The following MEMO1 variants were observed in gnomAD, a reference collection of about 807,000 sequenced individuals.
The protein encoded by MEMO1 is protein MEMO1.
A neutral mutation model predicts 45.2 loss-of-function variants in MEMO1; 6 were observed. The observed-to-expected ratio is 0.13, with a 90% CI of 0.07 to 0.26. The LOEUF is 0.26. Among genes scored for constraint, MEMO1 ranks in the 10% least tolerant of loss-of-function variants. The pLI is 1.00. For missense variants in MEMO1, 184 were observed against 370.5 expected (o/e 0.50, Z 4.13); for synonymous variants, 78 against 124.3 (o/e 0.63, Z 2.48).
chr2:31,953,443 A>G (rs1183548558), intron 2 of MEMO1, among the ~76,000 whole-genome samples: 1 of 147,116 alleles, frequency 6.8e-6, no homozygotes, highest in Non-Finnish European at 1.5e-5. Context: ...ATCAGTACGA[A>G]CTTTCATAAG....
chr2:31,870,045 C>T (rs1405516607), intron 8 of MEMO1, 93 bp from the exon 9 acceptor site: 1 of 969,164 alleles, frequency 1.0e-6, no homozygotes, highest in African/African-American at 1.7e-5. Flanking sequence ...GTTACTTAAA[C>T]ATAATTCTTC....
At chr2:31,985,755 A>G (rs1671183377) in intron 2 of MEMO1, among the ~76,000 whole-genome samples, 1 of 152,254 alleles carries the variant, frequency 6.6e-6, no homozygotes. Flanking sequence ...ATACACCAGA[A>G]GTCCTCATAT....
At chr2:31,873,922 A>T (rs944313230) in intron 8 of MEMO1, among the ~76,000 whole-genome samples, 6 of 152,272 alleles carry the variant, frequency 3.9e-5, no homozygotes, top group African/African-American at 1.4e-4. Context: ...TGGCTATCTT[A>T]TAAGTGATGT....
At chr2:31,914,901 G>C (rs1259155458) in intron 6 of MEMO1, among the ~76,000 whole-genome samples, 1 of 149,680 alleles carries the variant, frequency 6.7e-6, no homozygotes, top group Non-Finnish European at 1.5e-5. Flanking sequence ...AGGCTACAGT[G>C]AGTTATAATT....
chr2:31,896,553 T>C (rs1677845641), intron 6 of MEMO1, among the ~76,000 whole-genome samples: 1 of 152,212 alleles, frequency 6.6e-6, no homozygotes, highest in Non-Finnish European at 1.5e-5. Flanking sequence ...AGGCTAAAAT[T>C]TGCTGACTCT....
At chr2:31,943,427 A>G in intron 2 of MEMO1, 44 bp from the exon 3 acceptor site, 1 of 1,386,402 alleles carries the variant, frequency 7.2e-7, no homozygotes, top group Non-Finnish European at 1.0e-6. Flanking sequence ...AAAGCAATGT[A>G]CTACAGATAA....
At chr2:31,870,414 A>T (rs1673529334) in intron 8 of MEMO1, among the ~76,000 whole-genome samples, 1 of 152,218 alleles carries the variant, frequency 6.6e-6, no homozygotes, top group Non-Finnish European at 1.5e-5. Flanking sequence ...GATAATTTTA[A>T]TTGAACTATT....
rs537580519 is a variant in MEMO1, at chr2:31,981,041, C to T, written c.61+29146G>A. ...CACAGTTTAAATAGTCAATCGTACA[C>T]CAATTCAGAAGAAACTGACCTTGAA... On this transcript the variant is annotated intron_variant, in intron 2 of 9. Transcript: ENST00000404530. Among the ~76,000 whole-genome samples, 16 of 152,300 alleles carry T rather than the reference C, an allele frequency of 1.1e-4. 1 individual carries two copies. In the South Asian group the frequency reaches 2.3e-3, roughly 22 times the overall value.
At chr2:31,971,963 C>T (rs1219783483) in intron 2 of MEMO1, among the ~76,000 whole-genome samples, 1 of 151,840 alleles carries the variant, frequency 6.6e-6, no homozygotes, top group Non-Finnish European at 1.5e-5. Flanking sequence ...GAGCGAGACT[C>T]TGTCTCAAAA....
At chr2:31,898,178 A>G (rs1394916447) in intron 6 of MEMO1, among the ~76,000 whole-genome samples, 1 of 150,790 alleles carries the variant, frequency 6.6e-6, no homozygotes, top group Non-Finnish European at 1.5e-5. Flanking sequence ...CCTGGATTCA[A>G]TGATTTTTTT....
chr2:31,953,774 T>C (rs1387288858), intron 2 of MEMO1, among the ~76,000 whole-genome samples: 1 of 152,116 alleles, frequency 6.6e-6, no homozygotes, highest in African/African-American at 2.4e-5. Context: ...AAGATTTTGA[T>C]ACATATATTC....
intron 2 of MEMO1, among the ~76,000 whole-genome samples, chr2:31,993,949 CTTTTTTTTTTTTTTTTTTT>C (rs397800267): frequency 1.4e-5 from 1 of 73,556 alleles, no homozygotes; most frequent in Non-Finnish European, 2.7e-5. Context: ...TCAATACTTT[CTTTTTTTTTTTTTTTTTTT>C]TTTTTTTTTT....
At chr2:31,910,875 A>G (rs572877247) in intron 6 of MEMO1, among the ~76,000 whole-genome samples, 1 of 152,214 alleles carries the variant, frequency 6.6e-6, no homozygotes, top group African/African-American at 2.4e-5. Flanking sequence ...AATAAAAAAT[A>G]AAGAAAGTTG....
intron 2 of MEMO1, among the ~76,000 whole-genome samples, chr2:31,962,001 C>G (rs1668059448): frequency 6.6e-6 from 1 of 150,800 alleles, no homozygotes; most frequent in Non-Finnish European, 1.5e-5. Flanking sequence ...ATCTGGCCCT[C>G]TGTTTCCTTT....
chr2:31,942,753 C>A (rs563786623), intron 3 of MEMO1, among the ~76,000 whole-genome samples: 1 of 152,208 alleles, frequency 6.6e-6, no homozygotes, highest in African/African-American at 2.4e-5. Context: ...AACTCCTGGG[C>A]TCAAGCAATC....
At chr2:31,911,981 C>A (rs1680632374) in intron 6 of MEMO1, among the ~76,000 whole-genome samples, 1 of 152,084 alleles carries the variant, frequency 6.6e-6, no homozygotes, top group African/African-American at 2.4e-5. Context: ...ATTTTTTCTA[C>A]ATGATTTCTA....
At chr2:31,963,414 A>G (rs1354967790) in intron 2 of MEMO1, 2 of 915,798 alleles carry the variant, frequency 2.2e-6, no homozygotes, top group Non-Finnish European at 2.9e-6. Context: ...GAAAGCTAAA[A>G]TATCTATGAC....
At chr2:31,989,828 T>C (rs1234477701) in intron 2 of MEMO1, among the ~76,000 whole-genome samples, 1 of 152,182 alleles carries the variant, frequency 6.6e-6, no homozygotes, top group Non-Finnish European at 1.5e-5. Flanking sequence ...GTCTATTAAA[T>C]AATTTTGGCC....
intron 6 of MEMO1, among the ~76,000 whole-genome samples, chr2:31,900,974 T>C (rs1678698435): frequency 6.6e-6 from 1 of 152,228 alleles, no homozygotes; most frequent in Admixed American, 6.5e-5. Flanking sequence ...AGAATTTTTA[T>C]ACCATTATTC....
Sources: gnomAD v4.1 joint callset for allele counts (sites outside exome capture counted in the v4.1 genomes callset) on GRCh38, gnomAD v4.1.1 for gene constraint, MANE v1.5 for transcripts, NCBI Gene and HGNC (gene_info 2026-07-23, HGNC 2026-07-21) for gene names.